The following TNN variants were observed in gnomAD, a reference collection of about 807,000 sequenced individuals.
TNN encodes tenascin-N.
Under a neutral mutation model 134.4 loss-of-function variants are expected in TNN, and 122 were observed. That is an observed-to-expected ratio of 0.91 (90% CI 0.78 to 1.06). The LOEUF (loss-of-function observed/expected upper bound fraction) is 1.06, where lower values mean the gene tolerates loss of function less well. TNN is among the 50% of genes least tolerant of loss of function. The probability of loss-of-function intolerance (pLI) is 0.00; values close to 1 mark genes in which losing one functional copy is unlikely to be tolerated. For missense variants in TNN, 1,739 were observed against 1,699.4 expected, an observed-to-expected ratio of 1.02 and a Z score of -0.41; for synonymous variants, 710 against 670.3, an observed-to-expected ratio of 1.06 and a Z score of -0.91.
At chr1:175,086,406 T>C (rs1027950855) in intron 6 of TNN, among the ~76,000 whole-genome samples, 1 of 152,208 alleles carries the variant, frequency 6.6e-6, no homozygotes, top group African/African-American at 2.4e-5. Flanking sequence ...TAGGTAACTT[T>C]TAGTTTTTAA....
chr1:175,109,009 G>A (rs781622894), intron 9 of TNN, among the ~76,000 whole-genome samples: 35 of 151,248 alleles, frequency 2.3e-4, no homozygotes, highest in Non-Finnish European at 3.7e-4. Flanking sequence ...CTGCCAGCAC[G>A]CTGTCACCTC....
chr1:175,109,114 C>T (rs1674951517), intron 9 of TNN, among the ~76,000 whole-genome samples: 1 of 79,542 alleles, frequency 1.3e-5, no homozygotes, highest in East Asian at 2.5e-4. Flanking sequence ...CGGAGTCTCG[C>T]TCTGTCGCCC....
chr1:175,129,363 A>T (rs1470838950), intron 15 of TNN, among the ~76,000 whole-genome samples: 1 of 152,000 alleles, frequency 6.6e-6, no homozygotes, highest in Non-Finnish European at 1.5e-5. Context: ...CTGGGAATGC[A>T]GCCCAGCAAG....
intron 6 of TNN, among the ~76,000 whole-genome samples, chr1:175,088,315 A>T (rs1487004181): frequency 6.6e-6 from 1 of 152,162 alleles, no homozygotes; most frequent in Non-Finnish European, 1.5e-5. Context: ...CAGTCATCTC[A>T]TTAACATACA....
intron 12 of TNN, among the ~76,000 whole-genome samples, chr1:175,125,361 G>C (rs1244674887): frequency 7.0e-6 from 1 of 143,840 alleles, no homozygotes; most frequent in Non-Finnish European, 1.6e-5. Context: ...ATCTTCTTTG[G>C]TTAAAAAAAA....
At chr1:175,128,240 G>A in intron 14 of TNN, 76 bp downstream of exon 14, 1 of 1,365,582 alleles carries the variant, frequency 7.3e-7, no homozygotes, top group South Asian at 1.4e-5. Context: ...GGAGTCCAGG[G>A]AGGAGCAAGT....
chr1:175,137,342 T>C (rs1404188636), intron 17 of TNN, among the ~76,000 whole-genome samples: 1 of 146,482 alleles, frequency 6.8e-6, no homozygotes, highest in Non-Finnish European at 1.5e-5. Flanking sequence ...GCAGTGTGGC[T>C]GTCATCTTTG....
intron 12 of TNN, among the ~76,000 whole-genome samples, chr1:175,126,111 T>TC (rs1675523475): frequency 6.7e-6 from 1 of 149,144 alleles, no homozygotes. Flanking sequence ...TTTCTTTTTT[T>TC]TTTTTTTTAA....
At chr1:175,100,948 A>G (rs1291751106) in intron 9 of TNN, among the ~76,000 whole-genome samples, 1 of 152,206 alleles carries the variant, frequency 6.6e-6, no homozygotes, top group Non-Finnish European at 1.5e-5. Flanking sequence ...ATGTGTGATG[A>G]TCAAATCAGG....
intron 9 of TNN, among the ~76,000 whole-genome samples, chr1:175,109,072 A>ATT (rs1160268455): frequency 0.12 from 7,438 of 61,830 alleles, 2,284 homozygotes; most frequent in East Asian, 0.18. Context: ...ATCTAACTGT[A>ATT]TTTTTTTTTT....
rs988063479 is a variant in TNN at position 175,144,282 on chromosome 1, A to G, written c.3596-105A>G. ...GACTACCTGTGACATGACTGGCTGC[A>G]TCTTTGGCATTTTCATGCCTAGAGA... On this transcript the variant is annotated intron_variant, in intron 17 of 18. Transcript: ENST00000239462. 3.0e-5 allele frequency: 32 copies of G among 1,078,876 alleles called. No homozygotes were observed. The African/African-American group carries it at 4.7e-4, about 16-fold the overall frequency. The allele number at this position is 1,078,876 out of a possible 1,614,324, so 66.8% of individuals were successfully genotyped here. A position where few individuals can be genotyped will look rare whatever the true frequency, so the allele number is the denominator to read the frequency against.
intron 11 of TNN, among the ~76,000 whole-genome samples, chr1:175,121,689 T>C (rs1558367385): frequency 9.2e-6 from 1 of 108,680 alleles, no homozygotes; most frequent in African/African-American, 3.4e-5. Flanking sequence ...CTGGAATATA[T>C]TTTTGAGGTA....
At chr1:175,085,605 T>C in intron 6 of TNN, 111 bp downstream of exon 6, 1 of 798,852 alleles carries the variant, frequency 1.3e-6, no homozygotes, top group Non-Finnish European at 2.1e-6. Flanking sequence ...ACAGACGGGG[T>C]GGCTCACGCC....
At chr1:175,133,219 C>G (rs565930284) in intron 15 of TNN, among the ~76,000 whole-genome samples, 124 of 152,288 alleles carry the variant, frequency 8.1e-4, no homozygotes, top group Non-Finnish European at 1.6e-3. Context: ...AGATTTACTT[C>G]CTATAAAAGA....
At position 175,077,413 on chromosome 1, in the gene TNN, C is replaced by A; in HGVS notation, c.-6C>A. The stretch of plus-strand genomic sequence containing the variant: ...CCTGGAGGGTCTGCTCCCTGTCTTT[C>A]CAAGGATGAGTCTCCAGGAGATGTT... On this transcript the variant is annotated 5_prime_UTR_variant, in exon 2 of 19. Transcript: ENST00000239462. 1 of 1,607,854 alleles carries A rather than the reference C, an allele frequency of 6.2e-7. No individual in the cohort carries two copies. Among genetic ancestry groups the A allele is most frequent in the Non-Finnish European group, 8.5e-7 (1 of 1,176,162 alleles).
At chr1:175,097,081 T>A (rs1674588140) in intron 7 of TNN, among the ~76,000 whole-genome samples, 1 of 152,080 alleles carries the variant, frequency 6.6e-6, no homozygotes, top group Non-Finnish European at 1.5e-5. Context: ...GTACAAGGAG[T>A]CAGGAACTAG....
chr1:175,145,169 G>A (rs1676032779), intron 18 of TNN, among the ~76,000 whole-genome samples: 1 of 151,916 alleles, frequency 6.6e-6, no homozygotes, highest in Middle Eastern at 3.4e-3. Flanking sequence ...GGGTGGTTAG[G>A]GCTTTACTAC....
chr1:175,091,778 C>G (rs998397592), intron 6 of TNN, among the ~76,000 whole-genome samples: 2 of 151,994 alleles, frequency 1.3e-5, no homozygotes, highest in African/African-American at 2.4e-5. Flanking sequence ...TTAGTAGAGA[C>G]ACGGTTTTGC....
intron 11 of TNN, among the ~76,000 whole-genome samples, chr1:175,121,473 G>A (rs1420487488): frequency 2.0e-5 from 3 of 152,150 alleles, no homozygotes; most frequent in African/African-American, 7.2e-5. Context: ...GGACAAAATG[G>A]GCTATACTTA....
Sources: gnomAD v4.1 joint callset for allele counts (sites outside exome capture counted in the v4.1 genomes callset) on GRCh38, gnomAD v4.1.1 for gene constraint, MANE v1.5 for transcripts, NCBI Gene and HGNC (gene_info 2026-07-23, HGNC 2026-07-21) for gene names.